Variants in OR8D4 observed in about 807,000 individuals in gnomAD.
OR8D4 encodes the protein olfactory receptor 8D4.
For synonymous variants in OR8D4, 141 were observed against 134.8 expected (o/e 1.05, Z -0.32); for missense variants, 359 against 372.6 (o/e 0.96, Z 0.30).
At chr11:123,904,397 C>T (rs755770438) in intron 1 of OR8D4, among the ~76,000 whole-genome samples, 1 of 152,020 alleles carries the variant, frequency 6.6e-6, no homozygotes, top group Non-Finnish European at 1.5e-5. Context: ...TTGTAACACT[C>T]AGGACAGATT....
At chr11:123,904,431 A>T (rs770549080) in intron 1 of OR8D4, among the ~76,000 whole-genome samples, 1 of 152,176 alleles carries the variant, frequency 6.6e-6, no homozygotes, top group Non-Finnish European at 1.5e-5. Context: ...TAAAAAACCC[A>T]TGATATTAAA....
chr11:123,905,637 T>C (rs1863193001), intron 1 of OR8D4, among the ~76,000 whole-genome samples: 2 of 152,176 alleles, frequency 1.3e-5, no homozygotes, highest in African/African-American at 4.8e-5. Context: ...GAGTCAGCCT[T>C]TGGCAAATGT....
Position 123,908,533 on chromosome 11 carries a change from G to A in OR8D4, c.*1157G>A, listed in dbSNP as rs1863224586. On this transcript the variant is annotated 3_prime_UTR_variant, in exon 2 of 2. Coordinates refer to ENST00000641687, the MANE Select transcript of OR8D4 (RefSeq NM_001005197.2). ...TCATGGACACCATGTGCCAGGCACT[G>A]TTCTGAGTGTTGGAATATTATGGTG... 1 of 152,176 alleles carries A rather than the reference G, an allele frequency of 6.6e-6. No homozygotes were observed. The highest frequency in any genetic ancestry group is 6.5e-5 in the Admixed American group (1 of 15,276). The allele number at this position is 152,176 out of a possible 1,614,324, so 9.4% of individuals were successfully genotyped here.
In OR8D4 at chr11:123,906,222, G is replaced by C. The variant is rs1476530074; in HGVS notation, c.-15-195G>C. The C allele has an allele frequency of 7.8e-6, 4 of 511,096 alleles. No homozygotes were observed. The East Asian group carries it at 1.3e-4, about 16-fold the overall frequency. 31.7% of individuals were successfully genotyped at this position (511,096 alleles called of 1,614,324 possible). ...GCTAAGAGAATTTGTTCCACTGGAG[G>C]GTATGGAAAAGTGTGTTTCTGGTTC... On this transcript the variant is annotated intron_variant, in intron 1 of 1. Transcript: ENST00000641687.
Position 123,902,176 on chromosome 11 carries a change from A to G in OR8D4, c.-97A>G, listed in dbSNP as rs1460799153. On this transcript the variant is annotated 5_prime_UTR_variant, in exon 1 of 2. Coordinates refer to ENST00000641687, the MANE Select transcript of OR8D4 (RefSeq NM_001005197.2). ...CACTCAGACACTTAAAGAAGAAGGT[A>G]AAATCAATCCATCTCTACTCCTGAA... The G allele has an allele frequency of 1.3e-5, 2 of 152,192 alleles. No homozygotes were observed. The highest frequency in any genetic ancestry group is 4.8e-5 in the African/African-American group (2 of 41,458). The allele number at this position is 152,192 out of a possible 1,614,324, so 9.4% of individuals were successfully genotyped here. A position where few individuals can be genotyped will look rare whatever the true frequency, so the allele number is the denominator to read the frequency against.
intron 1 of OR8D4, 152 bp from the exon 2 acceptor site, chr11:123,906,265 G>A (rs1863197259): frequency 8.7e-6 from 5 of 574,752 alleles, no homozygotes; most frequent in African/African-American, 1.9e-5. Context: ...CTATAGGTAG[G>A]TAGATGCTTA....
chr11:123,904,082 G>A (rs115375485), intron 1 of OR8D4, among the ~76,000 whole-genome samples: 74 of 152,270 alleles, frequency 4.9e-4, no homozygotes, highest in African/African-American at 1.6e-3. Context: ...CTAAAATGTA[G>A]ATCCTCACTC....
chr11:123,902,567 TG>T (rs879574026), intron 1 of OR8D4, among the ~76,000 whole-genome samples: 5 of 152,230 alleles, frequency 3.3e-5, no homozygotes, highest in Non-Finnish European at 7.3e-5. Context: ...TCATTTGATT[TG>T]CATAACAATC....
In OR8D4 at chr11:123,908,342, C is replaced by A. The variant is rs924707912; in HGVS notation, c.*966C>A. 2 of 151,920 alleles carry A rather than the reference C, an allele frequency of 1.3e-5. No individual in the cohort carries two copies. Among genetic ancestry groups the A allele is most frequent in the Admixed American group, 1.3e-4 (2 of 15,248 alleles). 9.4% of individuals were successfully genotyped at this position (151,920 alleles called of 1,614,324 possible). ...TTTGTTTCTTTTGAGTTGGTATTTT[C>A]TTTGTAAGCTGTAACTAGGTGTCTT... On this transcript the variant is annotated 3_prime_UTR_variant, in exon 2 of 2. Transcript: ENST00000641687.
chr11:123,906,848 GGT>G lies in OR8D4; in HGVS notation c.418_419del (p.Val140LeufsTer15), dbSNP rs1863206189. 1.2e-6 allele frequency: 2 copies of G among 1,613,754 alleles called. No homozygotes were observed. The highest frequency in any genetic ancestry group is 3.3e-5 in the Admixed American group (2 of 59,970). ...TCTACAGGGTCATCATGTCCCCTAGGGTCTGTTCTCTGCTGGTGGCTGCTGTC... is the reference window on the plus strand; with the variant it reads ...TCTACAGGGTCATCATGTCCCCTAGGCTGTTCTCTGCTGGTGGCTGCTGTC... ...LLYRVIMSPR[V>X]CSLLVAAVFS... On this transcript the variant is annotated frameshift_variant, in exon 2 of 2. Coordinates refer to ENST00000641687, the MANE Select transcript of OR8D4 (RefSeq NM_001005197.2). LOFTEE classifies it low-confidence loss of function (END_TRUNC).
intron 1 of OR8D4, among the ~76,000 whole-genome samples, chr11:123,904,803 A>G (rs147314470): frequency 7.9e-5 from 12 of 152,332 alleles, no homozygotes; most frequent in African/African-American, 1.2e-4. Context: ...GGCTTGTCCT[A>G]TTACAGCAGT....
rs370835924 is a variant in OR8D4, at chr11:123,908,504, C to G, written c.*1128C>G. 1 of 152,130 alleles carries G rather than the reference C, an allele frequency of 6.6e-6. No individual in the cohort carries two copies. The highest frequency in any genetic ancestry group is 2.4e-5 in the African/African-American group (1 of 41,438). The allele number at this position is 152,130 out of a possible 1,614,324, so 9.4% of individuals were successfully genotyped here. On this transcript the variant is annotated 3_prime_UTR_variant, in exon 2 of 2. Transcript: ENST00000641687. ...AGCTAATTCATTTGTTCAGCATATG[C>G]TTATCATGGACACCATGTGCCAGGC... is the stretch of plus-strand genomic sequence containing the variant.
Position 123,907,466 on chromosome 11 carries a change from T to G in OR8D4, c.*90T>G, listed in dbSNP as rs7120581. On this transcript the variant is annotated 3_prime_UTR_variant, in exon 2 of 2. Transcript: ENST00000641687. Reference sequence around the variant, plus strand: ...TTGACTATTTAAAAGTAATTTGAGGTCCAGGTACGGTGACTTACGCCTGTA... The same window carrying G: ...TTGACTATTTAAAAGTAATTTGAGGGCCAGGTACGGTGACTTACGCCTGTA... 420,724 of 617,738 alleles carry G rather than the reference T, an allele frequency of 0.68. 145,175 individuals are homozygous for G. Among genetic ancestry groups the G allele is most frequent in the Admixed American group, 0.8 (23,489 of 29,430 alleles). The allele number at this position is 617,738 out of a possible 1,614,324, so 38.3% of individuals were successfully genotyped here.
chr11:123,906,329 G>C, intron 1 of OR8D4, 88 bp from the exon 2 acceptor site: 1 of 806,432 alleles, frequency 1.2e-6, no homozygotes, highest in East Asian at 2.7e-5. Flanking sequence ...CACAAAGTCA[G>C]TGTTTTCATA....
Position 123,909,135 on chromosome 11 carries a change from T to G in OR8D4, c.*1759T>G, listed in dbSNP as rs1168907738. 6.6e-6 allele frequency: 1 copy of G among 152,128 alleles called. No homozygotes were observed. The highest frequency in any genetic ancestry group is 1.5e-5 in the Non-Finnish European group (1 of 68,018). 9.4% of individuals were successfully genotyped at this position (152,128 alleles called of 1,614,324 possible). On this transcript the variant is annotated 3_prime_UTR_variant, in exon 2 of 2. Coordinates refer to ENST00000641687, the MANE Select transcript of OR8D4 (RefSeq NM_001005197.2). ...AGAGTGGAAGCAGAGAGGGTACTTT[T>G]GATGCTGTTAAACTTATTTTGGTAA...
chr11:123,903,796 C>G (rs1863179540), intron 1 of OR8D4, among the ~76,000 whole-genome samples: 2 of 152,168 alleles, frequency 1.3e-5, no homozygotes, highest in African/African-American at 4.8e-5. Context: ...ATGCACATTA[C>G]ACTGCCATGG....
rs1322367594 is a variant in OR8D4 at position 123,907,144 on chromosome 11, T to C, written c.713T>C (p.Phe238Ser). ...TCTAAAAAGGGCAGGTGCAAAGCGT[T>C]TAGCACCTGTAGCTCCCACCTGACA... ...IHSKKGRCKA[F>S]STCSSHLTAV... Residue 238 changes from phenylalanine to serine, a missense_variant, in exon 2 of 2, where the codon TTT (phenylalanine) becomes TCT (serine). Phe to Ser is a radical substitution (Grantham distance 155). Coordinates refer to ENST00000641687, the MANE Select transcript of OR8D4 (RefSeq NM_001005197.2). 3 of 1,613,910 alleles carry C rather than the reference T, an allele frequency of 1.9e-6. No homozygotes were observed. The highest frequency in any genetic ancestry group is 2.5e-6 in the Non-Finnish European group (3 of 1,179,886).
Position 123,907,422 on chromosome 11 carries a change from A to T in OR8D4, c.*46A>T. On this transcript the variant is annotated 3_prime_UTR_variant, in exon 2 of 2. Coordinates refer to ENST00000641687, the MANE Select transcript of OR8D4 (RefSeq NM_001005197.2). ...TATTTCTGTATTCATAATCATGATT[A>T]TATGTATATATTTATACCTTGACTA... is the stretch of plus-strand genomic sequence containing the variant. 1 of 801,256 alleles carries T rather than the reference A, an allele frequency of 1.2e-6. No homozygotes were observed. Among genetic ancestry groups the T allele is most frequent in the East Asian group, 2.7e-5 (1 of 37,118 alleles). 49.6% of individuals were successfully genotyped at this position (801,256 alleles called of 1,614,324 possible).
intron 1 of OR8D4, chr11:123,906,108 C>T (rs1863196119): frequency 8.2e-6 from 2 of 243,816 alleles, no homozygotes; most frequent in Admixed American, 1.1e-4. Context: ...TTCTTTTACT[C>T]CAGTGGCTGG....
Sources: gnomAD v4.1 joint callset for allele counts (sites outside exome capture counted in the v4.1 genomes callset) on GRCh38, gnomAD v4.1.1 for gene constraint, MANE v1.5 for transcripts, NCBI Gene and HGNC (gene_info 2026-07-23, HGNC 2026-07-21) for gene names.